MTUS1: variants seen among roughly 807,000 people sequenced by gnomAD.
The protein encoded by MTUS1 is microtubule-associated tumor suppressor 1.
A neutral mutation model predicts 120.8 loss-of-function variants in MTUS1; 109 were observed. The ratio of observed to expected loss-of-function variants is 0.90; its 90% CI spans 0.77 to 1.06. The LOEUF is 1.06. MTUS1 is among the 50% of genes least tolerant of loss of function. MTUS1 has a pLI of 0.00. For synonymous variants in MTUS1, 737 were observed against 550.5 expected (o/e 1.34, Z -4.74); for missense variants, 2,210 against 1,486.3 (o/e 1.49, Z -8.01).
intron 1 of MTUS1, among the ~76,000 whole-genome samples, chr8:17,797,790 G>A (rs903663881): frequency 2.6e-5 from 4 of 152,044 alleles, no homozygotes; most frequent in Non-Finnish European, 4.4e-5. Flanking sequence ...TTACTCTTAC[G>A]CTCTAAGCTT....
rs575844814 is a variant in MTUS1 at position 17,711,922 on chromosome 8, G to C, written c.2623+1292C>G. Among the ~76,000 whole-genome samples, 4 of 152,314 alleles carry C rather than the reference G, an allele frequency of 2.6e-5. No individual in the cohort carries two copies. The East Asian group carries it at 7.7e-4, about 29-fold the overall frequency. ...AGGGAGAGAGATGGAAGAGGGACCA[G>C]TCAGTGGAGCACTTGAAATGCAAAC... is the stretch of plus-strand genomic sequence containing the variant. On this transcript the variant is annotated intron_variant, in intron 6 of 14. Transcript: ENST00000693296.
At chr8:17,704,461 T>A (rs73200177) in intron 6 of MTUS1, among the ~76,000 whole-genome samples, 6,455 of 152,254 alleles carry the variant, frequency 0.042, 159 homozygotes, top group Middle Eastern at 0.065. Context: ...CTGTGTGAGA[T>A]AAGGGTCCAA....
chr8:17,702,045 A>G (rs898187682), intron 6 of MTUS1, among the ~76,000 whole-genome samples: 3 of 152,186 alleles, frequency 2.0e-5, no homozygotes, highest in African/African-American at 7.2e-5. Flanking sequence ...TAATTCCTGT[A>G]AGGTATATAG....
intron 3 of MTUS1, among the ~76,000 whole-genome samples, chr8:17,731,430 A>G (rs1047113563): frequency 6.6e-6 from 1 of 152,186 alleles, no homozygotes; most frequent in African/African-American, 2.4e-5. Context: ...AAATGCTTAG[A>G]ACAGCATCTG....
chr8:17,684,483 C>G lies in MTUS1; in HGVS notation c.2683G>C (p.Asp895His), dbSNP rs773931133. The G allele has an allele frequency of 6.2e-6, 10 of 1,614,156 alleles. No individual in the cohort carries two copies. The highest frequency in any genetic ancestry group is 3.3e-5 in the Admixed American group (2 of 60,018). Residue 895 changes from aspartate to histidine, a missense_variant, in exon 7 of 15, where the codon GAT becomes CAT. Coordinates refer to ENST00000693296, the MANE Select transcript of MTUS1 (RefSeq NM_001363059.2). ...AGTGTTTTCTCAGGGGGCAGCGCAT[C>G]GGGAGCTGTCTGTGGCTGGATACAT... ...SLCIQPQTAP[D>H]ALPPEKTLEL... is the part of the protein sequence containing the mutation.
chr8:17,774,489 G>C (rs182160759), intron 1 of MTUS1, among the ~76,000 whole-genome samples: 46 of 152,308 alleles, frequency 3.0e-4, no homozygotes, highest in African/African-American at 1.0e-3. Flanking sequence ...GCATTGGGGT[G>C]AATCTCATGA....
At chr8:17,699,944 G>C (rs1385856380) in intron 6 of MTUS1, among the ~76,000 whole-genome samples, 1 of 151,892 alleles carries the variant, frequency 6.6e-6, no homozygotes, top group Non-Finnish European at 1.5e-5. Flanking sequence ...ATAAAAAATT[G>C]GTTCCAAAAA....
intron 8 of MTUS1, among the ~76,000 whole-genome samples, chr8:17,662,349 ATTTTT>A (rs35308070): frequency 1.2e-3 from 134 of 112,656 alleles, no homozygotes; most frequent in East Asian, 2.2e-3. Flanking sequence ...TTTTGTCCCT[ATTTTT>A]TTTTTTTTTT....
chr8:17,743,549 C>T, intron 3 of MTUS1, 55 bp downstream of exon 3: 1 of 1,529,286 alleles, frequency 6.5e-7, no homozygotes, highest in Middle Eastern at 1.9e-4. Context: ...ATAATCATGA[C>T]TGTCCAATTT....
At chr8:17,646,458 T>C (rs1805811523) in intron 14 of MTUS1, among the ~76,000 whole-genome samples, 1 of 152,092 alleles carries the variant, frequency 6.6e-6, no homozygotes, top group Admixed American at 6.5e-5. Flanking sequence ...CATGGTGACA[T>C]GTGCCTGTAG....
At chr8:17,764,811 GC>G (rs1563352463) in intron 1 of MTUS1, among the ~76,000 whole-genome samples, 1 of 152,200 alleles carries the variant, frequency 6.6e-6, no homozygotes, top group African/African-American at 2.4e-5. Context: ...ACTAGTCTAT[GC>G]CCTAATCCCG....
chr8:17,666,481 T>G (rs1231680099), intron 8 of MTUS1, among the ~76,000 whole-genome samples: 1 of 152,168 alleles, frequency 6.6e-6, no homozygotes, highest in South Asian at 2.1e-4. Flanking sequence ...GCTTGAGATA[T>G]GTATGTATTT....
intron 5 of MTUS1, 30 bp from the exon 6 acceptor site, chr8:17,713,282 A>ATATGTTTT: frequency 7.7e-7 from 1 of 1,297,432 alleles, no homozygotes; most frequent in Non-Finnish European, 1.1e-6. Context: ...TGTAAAATAC[A>ATATGTTTT]TATGTTTTAT....
At chr8:17,682,994 T>C (rs141659572) in intron 7 of MTUS1, among the ~76,000 whole-genome samples, 4,896 of 152,260 alleles carry the variant, frequency 0.032, 175 homozygotes, top group South Asian at 0.15. Flanking sequence ...TCATTAAGGC[T>C]GGGCGCAGTG....
intron 4 of MTUS1, chr8:17,722,320 A>G (rs1221140486): frequency 2.1e-6 from 2 of 971,050 alleles, no homozygotes; most frequent in Non-Finnish European, 2.4e-6. Context: ...TGTTGCCACA[A>G]CAGTTTTTCT....
chr8:17,758,375 G>A (rs1035470879), intron 1 of MTUS1, among the ~76,000 whole-genome samples: 24 of 151,730 alleles, frequency 1.6e-4, no homozygotes, highest in African/African-American at 5.1e-4. Flanking sequence ...TCCAAAAAGC[G>A]ATTTTGAATC....
At chr8:17,785,369 T>A (rs1351995066) in intron 1 of MTUS1, among the ~76,000 whole-genome samples, 2 of 152,292 alleles carry the variant, frequency 1.3e-5, no homozygotes, top group East Asian at 3.9e-4. Context: ...AAGATAAAGC[T>A]TGAGCTGAGA....
At chr8:17,684,088 T>C (rs1815209945) in intron 7 of MTUS1, among the ~76,000 whole-genome samples, 1 of 152,206 alleles carries the variant, frequency 6.6e-6, no homozygotes, top group Non-Finnish European at 1.5e-5. Context: ...TGTTTTTTGC[T>C]GTTGCCATTC....
chr8:17,766,170 TCATAAAACTGAAAG>T (rs902687155), intron 1 of MTUS1, among the ~76,000 whole-genome samples: 5 of 152,338 alleles, frequency 3.3e-5, no homozygotes, highest in African/African-American at 1.2e-4. Context: ...CTGTCAAAGA[TCATAAAACTGAAAG>T]CATACGGTAT....
Sources: allele counts gnomAD v4.1 joint callset (sites outside exome capture counted in the v4.1 genomes callset), GRCh38; gene constraint gnomAD v4.1.1; transcripts MANE v1.5; gene names NCBI Gene and HGNC (gene_info 2026-07-23, HGNC 2026-07-21).